Variants in RABGAP1L observed in about 807,000 individuals in gnomAD.
The protein encoded by RABGAP1L is rab GTPase-activating protein 1-like.
In RABGAP1L, 63 loss-of-function variants were observed where a neutral mutation model predicts 137.7. The observed-to-expected ratio is 0.46, with a 90% CI of 0.37 to 0.56. The LOEUF is 0.56. RABGAP1L is among the 20% of genes least tolerant of loss of function. The probability of loss-of-function intolerance (pLI) is 0.00; values close to 1 mark genes in which losing one functional copy is unlikely to be tolerated. For synonymous variants in RABGAP1L, 431 were observed against 433.7 expected (o/e 0.99, Z 0.08); for missense variants, 1,095 against 1,244.0 (o/e 0.88, Z 1.80).
chr1:174,909,827 C>T (rs552851284), intron 19 of RABGAP1L, among the ~76,000 whole-genome samples: 1 of 152,146 alleles, frequency 6.6e-6, no homozygotes, highest in South Asian at 2.1e-4. Flanking sequence ...AAATAGAAAA[C>T]TTCAACAAAC....
intron 13 of RABGAP1L, among the ~76,000 whole-genome samples, chr1:174,533,814 G>A (rs1664647153): frequency 6.6e-6 from 1 of 152,006 alleles, no homozygotes; most frequent in Non-Finnish European, 1.5e-5. Context: ...GGGATTACAG[G>A]TGCCCGCCAC....
At chr1:174,777,791 A>G (rs563117932) in intron 18 of RABGAP1L, among the ~76,000 whole-genome samples, 20 of 152,358 alleles carry the variant, frequency 1.3e-4, no homozygotes, top group Admixed American at 1.1e-3. Flanking sequence ...GGGACATTGC[A>G]GAAGAAAAGA....
At chr1:174,683,680 C>T in intron 15 of RABGAP1L, 84 bp downstream of exon 15, 1 of 1,062,982 alleles carries the variant, frequency 9.4e-7, no homozygotes, top group East Asian at 2.5e-5. Context: ...CTTCTTATTT[C>T]CCATTTATCT....
At chr1:174,480,240 A>G (rs909975341) in intron 13 of RABGAP1L, among the ~76,000 whole-genome samples, 1 of 152,222 alleles carries the variant, frequency 6.6e-6, no homozygotes, top group Non-Finnish European at 1.5e-5. Context: ...GGTTATAGTT[A>G]TTAGATAATC....
chr1:174,630,075 C>A (rs894886881), intron 13 of RABGAP1L, among the ~76,000 whole-genome samples: 1 of 150,686 alleles, frequency 6.6e-6, no homozygotes, highest in Non-Finnish European at 1.5e-5. Context: ...CCCATCAATA[C>A]CTAATTTATT....
At chr1:174,853,855 G>C (rs1390536287) in intron 19 of RABGAP1L, among the ~76,000 whole-genome samples, 1 of 152,198 alleles carries the variant, frequency 6.6e-6, no homozygotes, top group Non-Finnish European at 1.5e-5. Flanking sequence ...GTATGGTACA[G>C]ATCACCTCAA....
intron 14 of RABGAP1L, among the ~76,000 whole-genome samples, chr1:174,661,154 T>C (rs1676342125): frequency 6.6e-6 from 1 of 152,208 alleles, no homozygotes; most frequent in Non-Finnish European, 1.5e-5. Context: ...AAGTAAATTT[T>C]TTAACAAACA....
chr1:174,812,694 ATTAT>A (rs1441925833), intron 19 of RABGAP1L, among the ~76,000 whole-genome samples: 1 of 152,218 alleles, frequency 6.6e-6, no homozygotes, highest in Non-Finnish European at 1.5e-5. Context: ...TAATAAATAC[ATTAT>A]TTATTTAACA....
intron 11 of RABGAP1L, among the ~76,000 whole-genome samples, chr1:174,350,130 T>TG (rs1553278935): frequency 1.0e-4 from 7 of 69,484 alleles, no homozygotes; most frequent in East Asian, 6.5e-4. Context: ...GCTGGCCGGG[T>TG]GGGGGGGCTG....
chr1:174,386,074 A>G (rs1367589767), intron 12 of RABGAP1L, among the ~76,000 whole-genome samples: 1 of 152,206 alleles, frequency 6.6e-6, no homozygotes, highest in East Asian at 1.9e-4. Flanking sequence ...TGAATAGGCA[A>G]GAAAAGATGT....
Position 174,308,386 on chromosome 1 carries a change from G to A in RABGAP1L, c.1465+3259G>A, listed in dbSNP as rs552618522. Among the ~76,000 whole-genome samples the A allele has an allele frequency of 2.0e-3, 300 of 151,984 alleles. 1 individual carries two copies. Among genetic ancestry groups the A allele is most frequent in the African/African-American group, 6.8e-3 (284 of 41,518 alleles). On this transcript the variant is annotated intron_variant, in intron 11 of 25. Transcript: ENST00000681986. ...TTTTGCAGATGTTTTTTAGTTTGAT[G>A]TAATCCCATTTATCTATTTTTGCTT...
intron 13 of RABGAP1L, among the ~76,000 whole-genome samples, chr1:174,555,823 G>A (rs1666842937): frequency 6.6e-6 from 1 of 152,060 alleles, no homozygotes; most frequent in South Asian, 2.1e-4. Context: ...GAAAGAATAT[G>A]TCTCCTATTC....
intron 14 of RABGAP1L, among the ~76,000 whole-genome samples, chr1:174,643,285 C>T (rs1351759328): frequency 1.3e-5 from 2 of 152,126 alleles, no homozygotes; most frequent in Non-Finnish European, 2.9e-5. Context: ...AGCACTTGGA[C>T]AATCAAGCAG....
intron 13 of RABGAP1L, among the ~76,000 whole-genome samples, chr1:174,445,969 T>A (rs991283827): frequency 3.9e-5 from 6 of 152,226 alleles, no homozygotes; most frequent in Non-Finnish European, 7.3e-5. Flanking sequence ...AGCCTGCATG[T>A]GCCTGGCAAC....
intron 11 of RABGAP1L, among the ~76,000 whole-genome samples, chr1:174,324,504 C>G (rs1680273836): frequency 6.6e-6 from 1 of 151,960 alleles, no homozygotes. Flanking sequence ...CTGTGGAACA[C>G]TGAAATGGAA....
intron 23 of RABGAP1L, among the ~76,000 whole-genome samples, chr1:174,982,294 C>T (rs1671206279): frequency 6.6e-6 from 1 of 152,168 alleles, no homozygotes; most frequent in African/African-American, 2.4e-5. Flanking sequence ...GTCCCCTACC[C>T]CTCCACCAGG....
chr1:174,780,295 T>A (rs1029189428), intron 18 of RABGAP1L, among the ~76,000 whole-genome samples: 5 of 152,028 alleles, frequency 3.3e-5, no homozygotes, highest in Admixed American at 1.3e-4. Context: ...TCTGCTCAGA[T>A]GGATGATTCC....
At chr1:174,879,472 A>G (rs1258569138) in intron 19 of RABGAP1L, among the ~76,000 whole-genome samples, 1 of 151,902 alleles carries the variant, frequency 6.6e-6, no homozygotes, top group Non-Finnish European at 1.5e-5. Flanking sequence ...TGACCTCATG[A>G]TCCACCCACC....
chr1:174,685,710 T>G (rs977985590), intron 15 of RABGAP1L, among the ~76,000 whole-genome samples: 1 of 151,898 alleles, frequency 6.6e-6, no homozygotes, highest in Non-Finnish European at 1.5e-5. Flanking sequence ...ATTACAGGCA[T>G]GCGCCACCAC....
Sources: gnomAD v4.1 joint callset for allele counts (sites outside exome capture counted in the v4.1 genomes callset) on GRCh38, gnomAD v4.1.1 for gene constraint, MANE v1.5 for transcripts, NCBI Gene and HGNC (gene_info 2026-07-23, HGNC 2026-07-21) for gene names.